Variants in PTPRD observed in about 807,000 individuals in gnomAD.
PTPRD encodes protein tyrosine phosphatase receptor type D.
PTPRD carries 34 observed loss-of-function variants against 214.5 expected under a neutral mutation model. The observed-to-expected ratio is 0.16, with a 90% CI of 0.12 to 0.21. The LOEUF (loss-of-function observed/expected upper bound fraction) is 0.21, where lower values mean the gene tolerates loss of function less well. Ranked by LOEUF, PTPRD falls within the 10% of genes least tolerant of loss-of-function variation. The pLI is 1.00. For synonymous variants in PTPRD, 1,128 were observed against 845.7 expected (o/e 1.33, Z -5.79); for missense variants, 2,545 against 2,398.7 (o/e 1.06, Z -1.27).
chr9:8,540,134 T>C (rs1425954008), intron 14 of PTPRD, among the ~76,000 whole-genome samples: 1 of 152,126 alleles, frequency 6.6e-6, no homozygotes, highest in African/African-American at 2.4e-5. Flanking sequence ...TTCTATAAGA[T>C]TGGGATCATT....
At chr9:10,070,585 TC>T (rs1262509165) in intron 3 of PTPRD, among the ~76,000 whole-genome samples, 5 of 151,884 alleles carry the variant, frequency 3.3e-5, no homozygotes, top group Non-Finnish European at 7.4e-5. Context: ...ATTAAAAGAG[TC>T]ATTTATGGAG....
intron 10 of PTPRD, among the ~76,000 whole-genome samples, chr9:9,090,630 A>G (rs1420047707): frequency 6.6e-6 from 1 of 152,226 alleles, no homozygotes; most frequent in Non-Finnish European, 1.5e-5. Flanking sequence ...GAAGCTTCAG[A>G]TAACAATAAT....
At chr9:9,547,693 G>GA (rs2079121339) in intron 8 of PTPRD, among the ~76,000 whole-genome samples, 1 of 151,710 alleles carries the variant, frequency 6.6e-6, no homozygotes, top group Admixed American at 6.6e-5. Flanking sequence ...CAATCCAAAA[G>GA]AAAAAGTATT....
intron 9 of PTPRD, among the ~76,000 whole-genome samples, chr9:9,356,496 A>T (rs1596308737): frequency 6.6e-6 from 1 of 151,508 alleles, no homozygotes; most frequent in African/African-American, 2.4e-5. Context: ...ATTATGAATC[A>T]TATGAGTGTT....
chr9:10,587,143 T>A (rs983977871), intron 2 of PTPRD, among the ~76,000 whole-genome samples: 1 of 152,034 alleles, frequency 6.6e-6, no homozygotes, highest in Non-Finnish European at 1.5e-5. Flanking sequence ...AAAAGACCCA[T>A]TGTGACAGGT....
chr9:9,133,658 G>A (rs1420266332), intron 10 of PTPRD, among the ~76,000 whole-genome samples: 1 of 152,170 alleles, frequency 6.6e-6, no homozygotes, highest in Non-Finnish European at 1.5e-5. Context: ...GATCACACTG[G>A]AATATGAAAG....
intron 2 of PTPRD, among the ~76,000 whole-genome samples, chr9:10,542,196 T>C (rs536666230): frequency 2.6e-5 from 4 of 152,256 alleles, no homozygotes; most frequent in Admixed American, 2.6e-4. Flanking sequence ...CACAGCTGCT[T>C]TGTACTAAGA....
chr9:10,587,167 G>A (rs1024301801), intron 2 of PTPRD, among the ~76,000 whole-genome samples: 1 of 152,048 alleles, frequency 6.6e-6, no homozygotes, highest in African/African-American at 2.4e-5. Context: ...ACACAAACAA[G>A]TCAAAGAAGC....
chr9:8,381,182 G>GACAA (rs754772898), intron 37 of PTPRD, among the ~76,000 whole-genome samples: 2 of 152,184 alleles, frequency 1.3e-5, no homozygotes, highest in Non-Finnish European at 2.9e-5. Context: ...GTAAGGAATG[G>GACAA]ACAAACAGGC....
Position 8,486,175 on chromosome 9 carries a change from G to A in PTPRD, c.2642C>T (p.Thr881Ile), listed in dbSNP as rs758081033. ...TGCTCCCTTGTGGATGTCTGTAGCT[G>A]TAAAGTGATCTTCTTTTTCAGAGAA... is the stretch of plus-strand genomic sequence containing the variant. ...LEFSEKEDHF[T>I]ATDIHKGASY... The change falls in exon 28 of 46, where the codon ACA becomes ATA. Residue 881 changes from threonine (T) to isoleucine (I), a missense_variant. Coordinates refer to ENST00000381196, the MANE Select transcript of PTPRD (RefSeq NM_002839.4). 3.7e-6 allele frequency: 6 copies of A among 1,614,180 alleles called. No homozygotes were observed. Among genetic ancestry groups the A allele is most frequent in the Non-Finnish European group, 5.1e-6 (6 of 1,180,026 alleles).
At chr9:9,436,640 G>T (rs755942941) in intron 8 of PTPRD, among the ~76,000 whole-genome samples, 10 of 151,330 alleles carry the variant, frequency 6.6e-5, no homozygotes, top group Non-Finnish European at 1.2e-4. Context: ...ATGTGTCATT[G>T]TTCCCTCATT....
chr9:9,458,293 T>C (rs1369827864), intron 8 of PTPRD, among the ~76,000 whole-genome samples: 2 of 152,048 alleles, frequency 1.3e-5, no homozygotes, highest in African/African-American at 2.4e-5. Flanking sequence ...TTCATTATTA[T>C]AAAGAAAATA....
At chr9:9,042,684 A>G (rs1181120315) in intron 10 of PTPRD, among the ~76,000 whole-genome samples, 4 of 133,014 alleles carry the variant, frequency 3.0e-5, no homozygotes, top group Non-Finnish European at 6.1e-5. Context: ...GGAATCATGT[A>G]TCTTATGACC....
At chr9:9,677,836 A>C (rs1448598104) in intron 7 of PTPRD, among the ~76,000 whole-genome samples, 1 of 152,104 alleles carries the variant, frequency 6.6e-6, no homozygotes, top group East Asian at 1.9e-4. Flanking sequence ...TCTCAGCCCA[A>C]AATCTCCTTA....
chr9:9,463,788 ACAG>A (rs202132541), intron 8 of PTPRD, among the ~76,000 whole-genome samples: 3,094 of 152,190 alleles, frequency 0.02, 45 homozygotes, highest in Non-Finnish European at 0.028. Flanking sequence ...TTGAATAAAC[ACAG>A]AAGTTTACTA....
At chr9:8,804,440 A>G (rs1021146596) in intron 11 of PTPRD, among the ~76,000 whole-genome samples, 5 of 151,848 alleles carry the variant, frequency 3.3e-5, no homozygotes, top group East Asian at 3.9e-4. Flanking sequence ...TCTACAAAAA[A>G]AAATAAAACT....
chr9:8,553,340 C>G (rs867375409), intron 14 of PTPRD, among the ~76,000 whole-genome samples: 70 of 152,126 alleles, frequency 4.6e-4, no homozygotes, highest in African/African-American at 1.7e-3. Context: ...TTGCTCTGAC[C>G]TCAAGCAGCT....
intron 34 of PTPRD, among the ~76,000 whole-genome samples, chr9:8,445,998 T>C (rs2095710120): frequency 6.6e-6 from 1 of 152,160 alleles, no homozygotes; most frequent in South Asian, 2.1e-4. Context: ...TTTGGAAGGC[T>C]CTCAGCAGTG....
intron 10 of PTPRD, among the ~76,000 whole-genome samples, chr9:9,034,910 C>G (rs755789426): frequency 6.6e-6 from 1 of 152,094 alleles, no homozygotes; most frequent in Non-Finnish European, 1.5e-5. Flanking sequence ...TTCTCTGAAC[C>G]AATCAAGAAC....
Sources: allele counts gnomAD v4.1 joint callset (sites outside exome capture counted in the v4.1 genomes callset), GRCh38; gene constraint gnomAD v4.1.1; transcripts MANE v1.5; gene names NCBI Gene and HGNC (gene_info 2026-07-23, HGNC 2026-07-21).